NCSTN: variants seen among roughly 807,000 people sequenced by gnomAD.
NCSTN encodes the protein anterior pharynx-defective 2.
A neutral mutation model predicts 87.0 loss-of-function variants in NCSTN; 22 were observed. The ratio of observed to expected loss-of-function variants is 0.25; its 90% confidence interval spans 0.18 to 0.36. The LOEUF (loss-of-function observed/expected upper bound fraction) is 0.36, where lower values mean the gene tolerates loss of function less well. NCSTN is among the 10% of genes least tolerant of loss of function. The pLI is 1.00. For missense variants in NCSTN, 693 were observed against 883.3 expected, an observed-to-expected ratio of 0.78 and a Z score of 2.73; for synonymous variants, 306 against 327.1, an observed-to-expected ratio of 0.94 and a Z score of 0.69.
chr1:160,352,973 A>G lies in NCSTN; in HGVS notation c.1083A>G (p.Ser361=), dbSNP rs2296270. 6,665 of 1,613,976 alleles carry G rather than the reference A, an allele frequency of 4.1e-3. 123 individuals are homozygous for G. The highest frequency in any genetic ancestry group is 0.038 in the African/African-American group (2,831 of 74,964). ...CCGTGCAGTTAGAGAATGTTGACTC[A>G]TTTGTGGAGCTGGGACAGGTATGTG... ...KFPVQLENVD[S]FVELGQVALR... is the part of the protein sequence containing the mutation. Residue 361 remains serine, a synonymous_variant, in exon 9 of 17, where the codon TCA becomes TCG. Coordinates refer to ENST00000294785, the MANE Select transcript of NCSTN (RefSeq NM_015331.3).
In NCSTN at chr1:160,343,484, G is replaced by A. The variant is rs1180462755; in HGVS notation, c.85+3G>A. On this transcript the variant is annotated splice_donor_region_variant and intron_variant, in intron 1 of 16. Transcript: ENST00000294785. Reference sequence around the variant, plus strand: ...GTCTTTCTGCGTCCTACTAGCAGGTGAGGCCTCCCCGCCCGTGAGCTCCGT... The same window carrying A: ...GTCTTTCTGCGTCCTACTAGCAGGTAAGGCCTCCCCGCCCGTGAGCTCCGT... 6.2e-7 allele frequency: 1 copy of A among 1,605,524 alleles called. No homozygotes were observed. Among genetic ancestry groups the A allele is most frequent in the South Asian group, 1.1e-5 (1 of 89,336 alleles).
In NCSTN at chr1:160,343,694, C is replaced by G. The variant is rs1225755552; in HGVS notation, c.85+213C>G. On this transcript the variant is annotated intron_variant, in intron 1 of 16. Transcript: ENST00000294785. ...CGCAGCACGTCGTGTCGCTTCACTCCCTTCTCTAGGCCTCTTCCTGGACTT... is the reference window on the plus strand; with the variant it reads ...CGCAGCACGTCGTGTCGCTTCACTCGCTTCTCTAGGCCTCTTCCTGGACTT... 9 of 712,608 alleles carry G rather than the reference C, an allele frequency of 1.3e-5. No individual in the cohort carries two copies. In the South Asian group the frequency reaches 1.3e-4, roughly 11 times the overall value. The allele number at this position is 712,608 out of a possible 1,614,324, so 44.1% of individuals were successfully genotyped here. A position where few individuals can be genotyped will look rare whatever the true frequency, so the allele number is the denominator to read the frequency against.
chr1:160,353,340 A>C (rs1648969424), intron 10 of NCSTN, 103 bp downstream of exon 10: 2 of 1,586,576 alleles, frequency 1.3e-6, no homozygotes, highest in Admixed American at 1.8e-5. Context: ...GAGACAGGGT[A>C]AGAGACAGGA....
At position 160,347,613 on chromosome 1, in the gene NCSTN, G is replaced by GGTGT. The variant is rs147319616; in HGVS notation, c.191-1371_191-1368dup. Among the ~76,000 whole-genome samples, 14 of 150,874 alleles carry GGTGT rather than the reference G, an allele frequency of 9.3e-5. No homozygotes were observed. The East Asian group carries it at 9.7e-4, about 10-fold the overall frequency. On this transcript the variant is annotated intron_variant, in intron 2 of 16. Coordinates refer to ENST00000294785, the MANE Select transcript of NCSTN (RefSeq NM_015331.3). ...GTCCTCGCTGGAGTTGAAGTTTTGG[G>GGTGT]GTGTGTGTGTGTGTGTGTCAGAGTC...
At chr1:160,347,575 AGTTTGTCTTCCT>A (rs2101894502) in intron 2 of NCSTN, among the ~76,000 whole-genome samples, 1 of 152,200 alleles carries the variant, frequency 6.6e-6, no homozygotes, top group African/African-American at 2.4e-5. Flanking sequence ...CCAGTATCAT[AGTTTGTCTTCCT>A]GTCCTCGCTG....
In NCSTN at chr1:160,349,555, A is replaced by G; in HGVS notation, c.321A>G (p.Leu107=). 6.2e-7 allele frequency: 1 copy of G among 1,614,104 alleles called. No homozygotes were observed. The highest frequency in any genetic ancestry group is 1.1e-5 in the South Asian group (1 of 91,078). ...AATTCCTTTCCTATTCCAGGGATTT[A>G]ATGGAGAAGCTGAAAGGGAGAACCA... ...LLESKHFTRD[L]MEKLKGRTSR... Residue 107 remains leucine (L), a synonymous_variant, in exon 4 of 17, where the codon TTA becomes TTG. Coordinates refer to ENST00000294785, the MANE Select transcript of NCSTN (RefSeq NM_015331.3).
chr1:160,349,155 C>T (rs760166570), intron 3 of NCSTN, 33 bp downstream of exon 3: 2 of 1,612,858 alleles, frequency 1.2e-6, no homozygotes, highest in Middle Eastern at 1.6e-4. Context: ...GGGAAAACAT[C>T]CATAGAGGGA....
intron 1 of NCSTN, chr1:160,343,942 G>T: frequency 1.4e-5 from 3 of 210,888 alleles, no homozygotes; most frequent in South Asian, 5.2e-5. Context: ...GTGTCCCCCT[G>T]CCTTGCCTCA....
chr1:160,345,128 C>T (rs1571196749), intron 2 of NCSTN: 5 of 459,834 alleles, frequency 1.1e-5, no homozygotes, highest in South Asian at 1.1e-4. Context: ...AGTTGAGTAA[C>T]TTTCCCAAGA....
chr1:160,343,555 T>G (rs2101886524), intron 1 of NCSTN, 74 bp downstream of exon 1: 8 of 1,388,332 alleles, frequency 5.8e-6, no homozygotes, highest in Non-Finnish European at 8.1e-6. Flanking sequence ...ACCGCCACTG[T>G]CTCCCTTCTG....
intron 15 of NCSTN, 142 bp downstream of exon 15, chr1:160,356,896 C>T: frequency 7.2e-7 from 1 of 1,397,440 alleles, no homozygotes; most frequent in Non-Finnish European, 1.0e-6. Context: ...TGTTGAAAAG[C>T]CTGGGTGAAA....
intron 11 of NCSTN, among the ~76,000 whole-genome samples, chr1:160,354,673 C>G (rs190773746): frequency 6.6e-6 from 1 of 152,256 alleles, no homozygotes; most frequent in Admixed American, 6.5e-5. Context: ...TGGAACTCAC[C>G]CAGAGGTGCC....
At chr1:160,343,770 C>T in intron 1 of NCSTN, 1 of 655,240 alleles carries the variant, frequency 1.5e-6, no homozygotes, top group Non-Finnish European at 2.9e-6. Context: ...TTCCCACAAC[C>T]CCAGCCACCC....
rs756162334 is a variant in NCSTN at position 160,358,569 on chromosome 1, TA to T, written c.*300del. On this transcript the variant is annotated 3_prime_UTR_variant, in exon 17 of 17. Transcript: ENST00000294785. The stretch of plus-strand genomic sequence containing the variant: ...TGTTTAACTCCCTAGTTACCCACCC[TA>T]ATTTGCCCTTCAGGACCCTTCTACT... 4.6e-5 allele frequency: 20 copies of T among 433,570 alleles called. No homozygotes were observed. The highest frequency in any genetic ancestry group is 2.8e-4 in the Admixed American group (8 of 28,970). The allele number at this position is 433,570 out of a possible 1,614,324, so 26.9% of individuals were successfully genotyped here.
rs200050237 is a variant in NCSTN, at chr1:160,355,966, G to A, written c.1551+8G>A. On this transcript the variant is annotated splice_region_variant and intron_variant, in intron 13 of 16. Coordinates refer to ENST00000294785, the MANE Select transcript of NCSTN (RefSeq NM_015331.3). ...CAGGCTGATCCCCAAACGGTAAGCA[G>A]ATGGGCCCTAGCTCCTTCTTTCTAT... The A allele has an allele frequency of 7.5e-6, 12 of 1,606,230 alleles. No homozygotes were observed. Among genetic ancestry groups the A allele is most frequent in the Non-Finnish European group, 9.4e-6 (11 of 1,173,092 alleles).
intron 8 of NCSTN, 126 bp from the exon 9 acceptor site, chr1:160,352,761 C>T: frequency 1.3e-6 from 1 of 759,682 alleles, no homozygotes; most frequent in South Asian, 1.5e-5. Context: ...TGACTGTAAG[C>T]TGACTAGCAG....
At position 160,351,779 on chromosome 1, in the gene NCSTN, G is replaced by A. The variant is rs889757743; in HGVS notation, c.817G>A (p.Asp273Asn). Reference sequence around the variant, plus strand: ...TACAACTGGGACATTAAAGCCTGACGACAGGGTTGTGGTTGCTGCCACCCG... The same window carrying A: ...TACAACTGGGACATTAAAGCCTGACAACAGGGTTGTGGTTGCTGCCACCCG... ...INTTGTLKPD[D>N]RVVVAATRLD... The change falls in exon 7 of 17, where the codon GAC becomes AAC. Residue 273 changes from aspartate (D) to asparagine (N), a missense_variant. Coordinates refer to ENST00000294785, the MANE Select transcript of NCSTN (RefSeq NM_015331.3). The A allele has an allele frequency of 5.6e-6, 9 of 1,612,762 alleles. No individual in the cohort carries two copies. Among genetic ancestry groups the A allele is most frequent in the East Asian group, 2.2e-5 (1 of 44,872 alleles).
chr1:160,351,301 T>C lies in NCSTN; in HGVS notation c.662T>C (p.Met221Thr). The change falls in exon 6 of 17, where the codon ATG becomes ACG. Residue 221 changes from methionine to threonine, a missense_variant. By Grantham distance (81) the Met-to-Thr change is moderately conservative (BLOSUM62 -1). This residue lies in a region of NCSTN where 134 missense variants were observed against 226.0 expected (regional missense o/e 0.59). Transcript: ENST00000294785. ...PLCAMQLFSH[M>T]HAVISTATCM... ...TGTGCCATGCAGCTCTTTTCACACA[T>C]GCATGCTGTCATCAGCACTGCCACC... 2 of 1,614,162 alleles carry C rather than the reference T, an allele frequency of 1.2e-6. No individual in the cohort carries two copies. Among genetic ancestry groups the C allele is most frequent in the Non-Finnish European group, 1.7e-6 (2 of 1,180,016 alleles).
In NCSTN at chr1:160,351,750, T is replaced by C; in HGVS notation, c.788T>C (p.Ile263Thr). 1 of 1,613,660 alleles carries C rather than the reference T, an allele frequency of 6.2e-7. No homozygotes were observed. Among genetic ancestry groups the C allele is most frequent in the Non-Finnish European group, 8.5e-7 (1 of 1,179,544 alleles). Residue 263 changes from isoleucine (I) to threonine (T), a missense_variant, in exon 7 of 17, where the codon ATA becomes ACA. Physicochemically the swap from Ile to Thr is moderately conservative, Grantham distance 89 (BLOSUM62 -1). This residue lies in a region of NCSTN where 134 missense variants were observed against 226.0 expected (regional missense o/e 0.59). Transcript: ENST00000294785. ...AATGTGTGGAGCATGCTAAAGCCTATAAATACAACTGGGACATTAAAGCCT... is the reference window on the plus strand; with the variant it reads ...AATGTGTGGAGCATGCTAAAGCCTACAAATACAACTGGGACATTAAAGCCT... ...DYNVWSMLKPINTTGTLKPDD... is the reference protein window; with the variant it reads ...DYNVWSMLKPTNTTGTLKPDD...
Sources: gnomAD v4.1 joint callset for allele counts (sites outside exome capture counted in the v4.1 genomes callset) on GRCh38, gnomAD v4.1.1 for gene constraint, gnomAD v4.1.1 regional missense constraint, MANE v1.5 for transcripts, NCBI Gene and HGNC (gene_info 2026-07-23, HGNC 2026-07-21) for gene names.